MYOD1: variants seen among roughly 807,000 people sequenced by gnomAD.
MYOD1 encodes the protein myoblast determination protein 1.
In MYOD1, 15 loss-of-function variants were observed where a neutral mutation model predicts 14.9. The ratio of observed to expected loss-of-function variants is 1.01; its 90% CI spans 0.67 to 1.55. The LOEUF (loss-of-function observed/expected upper bound fraction) is 1.55. Among genes scored for constraint, MYOD1 ranks in the 40% most tolerant of loss-of-function variants. The pLI is 0.00. For missense variants in MYOD1, 529 were observed against 482.6 expected, an observed-to-expected ratio of 1.10 and a Z score of -0.90; for synonymous variants, 235 against 218.6, an observed-to-expected ratio of 1.07 and a Z score of -0.66.
Position 17,721,007 on chromosome 11 carries a change from C to A in MYOD1, c.709+27C>A. 6.4e-7 allele frequency: 1 copy of A among 1,553,342 alleles called. No individual in the cohort carries two copies. The highest frequency in any genetic ancestry group is 2.0e-5 in the Admixed American group (1 of 50,534). On this transcript the variant is annotated intron_variant, in intron 2 of 2. Transcript: ENST00000250003. The surrounding 1 kb of genome is among the most constrained non-coding windows in gnomAD (Gnocchi z 6.2). ...TGGGTATTCCGGGCCTCTCCCTGCT[C>A]GCTCCTCCTCCTTCATGGAGCTGTC...
At position 17,720,071 on chromosome 11, in the gene MYOD1, G is replaced by A. The variant is rs1425797546; in HGVS notation, c.289G>A (p.Ala97Thr). 2 of 1,571,248 alleles carry A rather than the reference G, an allele frequency of 1.3e-6. No individual in the cohort carries two copies. Among genetic ancestry groups the A allele is most frequent in the African/African-American group, 1.4e-5 (1 of 73,872 alleles). ...CCAGGCGGGCCGCTGCCTACTGTGG[G>A]CCTGCAAGGCGTGCAAGCGCAAGAC... ...HHQAGRCLLW[A>T]CKACKRKTTN... The change falls in exon 1 of 3, where the codon GCC (alanine) becomes ACC (threonine). Residue 97 changes from alanine to threonine, a missense_variant. Ala to Thr is a moderately conservative substitution (Grantham distance 58, BLOSUM62 0). Coordinates refer to ENST00000250003, the MANE Select transcript of MYOD1 (RefSeq NM_002478.5).
Position 17,719,820 on chromosome 11 carries a change from T to A in MYOD1, c.38T>A (p.Leu13Gln). The change falls in exon 1 of 3, where the codon CTG becomes CAG. Residue 13 changes from leucine (L) to glutamine (Q), a missense_variant. Leu to Gln is a moderately radical substitution (Grantham distance 113, BLOSUM62 -2). Transcript: ENST00000250003. ...LLSPPLRDVD[L>Q]TAPDGSLCSF... is the part of the protein sequence containing the mutation. ...TCGCCACCGCTCCGCGACGTAGACC[T>A]GACGGCCCCCGACGGCTCTCTCTGC... 6.2e-7 allele frequency: 1 copy of A among 1,613,534 alleles called. No individual in the cohort carries two copies. The highest frequency in any genetic ancestry group is 8.5e-7 in the Non-Finnish European group (1 of 1,179,978).
Position 17,720,031 on chromosome 11 carries a change from G to A in MYOD1, c.249G>A (p.Ala83=), listed in dbSNP as rs780381232. 9 of 1,582,112 alleles carry A rather than the reference G, an allele frequency of 5.7e-6. No homozygotes were observed. Among genetic ancestry groups the A allele is most frequent in the Middle Eastern group, 1.7e-4 (1 of 6,010 alleles). ...PGAREDEHVR[A]PSGHHQAGRC... is the part of the protein sequence containing the mutation. The stretch of plus-strand genomic sequence containing the variant: ...CACGTGAGGACGAGCATGTGCGCGC[G>A]CCCAGCGGGCACCACCAGGCGGGCC... Residue 83 remains alanine, a synonymous_variant, in exon 1 of 3, where the codon GCG becomes GCA. Transcript: ENST00000250003.
chr11:17,720,473 G>A, intron 1 of MYOD1, 61 bp downstream of exon 1: 3 of 1,473,482 alleles, frequency 2.0e-6, no homozygotes, highest in Non-Finnish European at 2.7e-6. Flanking sequence ...TCAGGGACGC[G>A]TTTCCGAGGG....
In MYOD1 at chr11:17,720,085, C is replaced by T; in HGVS notation, c.303C>T (p.Cys101=). Residue 101 remains cysteine, a synonymous_variant, in exon 1 of 3, where the codon TGC becomes TGT. Coordinates refer to ENST00000250003, the MANE Select transcript of MYOD1 (RefSeq NM_002478.5). ...GCCTACTGTGGGCCTGCAAGGCGTG[C>T]AAGCGCAAGACCACCAACGCCGACC... ...GRCLLWACKA[C]KRKTTNADRR... is the part of the protein sequence containing the mutation. 1.3e-6 allele frequency: 2 copies of T among 1,571,724 alleles called. No homozygotes were observed. The highest frequency in any genetic ancestry group is 1.7e-6 in the Non-Finnish European group (2 of 1,158,402).
At position 17,720,417 on chromosome 11, in the gene MYOD1, G is replaced by C. The variant is rs774941414; in HGVS notation, c.630+5G>C. ...TCCAACTGCTCCGACGGCATGGTAA[G>C]GCCGGGACCCCAGGAAGTGAGGAAG... On this transcript the variant is annotated splice_donor_5th_base_variant and intron_variant, in intron 1 of 2. Coordinates refer to ENST00000250003, the MANE Select transcript of MYOD1 (RefSeq NM_002478.5). 1 of 1,556,386 alleles carries C rather than the reference G, an allele frequency of 6.4e-7. No homozygotes were observed. Among genetic ancestry groups the C allele is most frequent in the South Asian group, 1.2e-5 (1 of 84,490 alleles).
In MYOD1 at chr11:17,720,276, G is replaced by T; in HGVS notation, c.494G>T (p.Arg165Leu). 6.3e-7 allele frequency: 1 copy of T among 1,597,056 alleles called. No homozygotes were observed. Among genetic ancestry groups the T allele is most frequent in the Non-Finnish European group, 8.5e-7 (1 of 1,174,638 alleles). The change falls in exon 1 of 3, where the codon CGC becomes CTC. Residue 165 changes from arginine (R) to leucine (L), a missense_variant. Arg to Leu is a moderately radical substitution (Grantham distance 102, BLOSUM62 -2). Coordinates refer to ENST00000250003, the MANE Select transcript of MYOD1 (RefSeq NM_002478.5). ...ATCGAGGGCCTGCAGGCTCTGCTGC[G>T]CGACCAGGACGCCGCGCCCCCTGGC... ...RYIEGLQALL[R>L]DQDAAPPGAA... is the part of the protein sequence containing the mutation.
chr11:17,720,478 C>T (rs1389086508), intron 1 of MYOD1, 66 bp downstream of exon 1: 4 of 1,468,038 alleles, frequency 2.7e-6, no homozygotes, highest in Non-Finnish European at 3.6e-6. Context: ...GACGCGTTTC[C>T]GAGGGCGGGG....
Position 17,719,827 on chromosome 11 carries a change from C to G in MYOD1, c.45C>G (p.Ala15=). 6.2e-7 allele frequency: 1 copy of G among 1,613,634 alleles called. No homozygotes were observed. The highest frequency in any genetic ancestry group is 8.5e-7 in the Non-Finnish European group (1 of 1,179,982). ...CGCTCCGCGACGTAGACCTGACGGC[C>G]CCCGACGGCTCTCTCTGCTCCTTTG... The part of the protein sequence containing the change: ...SPPLRDVDLT[A]PDGSLCSFAT... Residue 15 remains alanine, a synonymous_variant, in exon 1 of 3, where the codon GCC becomes GCG. Transcript: ENST00000250003.
At chr11:17,720,867 C>T in intron 1 of MYOD1, 35 bp from the exon 2 acceptor site, 2 of 1,597,776 alleles carry the variant, frequency 1.3e-6, no homozygotes, top group Non-Finnish European at 1.7e-6. Flanking sequence ...CGAGCCGTCC[C>T]GCGGGCCTGA....
In MYOD1 at chr11:17,720,406, C is replaced by G. The variant is rs1251028078; in HGVS notation, c.624C>G (p.Asp208Glu). The change falls in exon 1 of 3, where the codon GAC becomes GAG. Residue 208 changes from aspartate (D) to glutamate (E), a missense_variant. Asp to Glu is a conservative substitution (Grantham distance 45). Transcript: ENST00000250003. Reference protein sequence around the residue: ...DASSPRSNCSDGMMDYSGPPS... With the variant: ...DASSPRSNCSEGMMDYSGPPS... ...CCAGCCCGCGCTCCAACTGCTCCGA[C>G]GGCATGGTAAGGCCGGGACCCCAGG... The G allele has an allele frequency of 1.3e-6, 2 of 1,563,156 alleles. No individual in the cohort carries two copies. Among genetic ancestry groups the G allele is most frequent in the Non-Finnish European group, 1.7e-6 (2 of 1,165,922 alleles).
In MYOD1 at chr11:17,721,949, T is replaced by C. The variant is rs757722284; in HGVS notation, c.*441T>C. 10 of 243,540 alleles carry C rather than the reference T, an allele frequency of 4.1e-5. No homozygotes were observed. Among genetic ancestry groups the C allele is most frequent in the Non-Finnish European group, 6.3e-5 (8 of 126,168 alleles). The allele number at this position is 243,540 out of a possible 1,614,324, so 15.1% of individuals were successfully genotyped here. A position where few individuals can be genotyped will look rare whatever the true frequency, so the allele number is the denominator to read the frequency against. ...CCGTTTCCCGGTTCAGGACCACTTT[T>C]TGTAATACTTTTGTAATCTATTCCT... is the stretch of plus-strand genomic sequence containing the variant. On this transcript the variant is annotated 3_prime_UTR_variant, in exon 3 of 3. Coordinates refer to ENST00000250003, the MANE Select transcript of MYOD1 (RefSeq NM_002478.5). The surrounding 1 kb of genome is among the most constrained non-coding windows in gnomAD (Gnocchi z 6.2).
chr11:17,720,892 C>A lies in MYOD1; in HGVS notation c.631-10C>A. On this transcript the variant is annotated splice_polypyrimidine_tract_variant and intron_variant, in intron 1 of 2. Transcript: ENST00000250003. The stretch of plus-strand genomic sequence containing the variant: ...CGCGGGCCTGACTCAGTCGCCCTTG[C>A]TGTTTGCAGATGGACTACAGCGGCC... The A allele has an allele frequency of 6.2e-7, 1 of 1,610,824 alleles. No homozygotes were observed. The highest frequency in any genetic ancestry group is 8.5e-7 in the Non-Finnish European group (1 of 1,179,064).
chr11:17,721,194 C>G lies in MYOD1; in HGVS notation c.710-61C>G. The G allele has an allele frequency of 6.9e-7, 1 of 1,457,846 alleles. No individual in the cohort carries two copies. The highest frequency in any genetic ancestry group is 9.0e-7 in the Non-Finnish European group (1 of 1,105,356). The allele number at this position is 1,457,846 out of a possible 1,614,324, so 90.3% of individuals were successfully genotyped here. A position where few individuals can be genotyped will look rare whatever the true frequency, so the allele number is the denominator to read the frequency against. ...CCAATCTGTCTCAAAGTACTGGGCC[C>G]GGGGGTGGGAGGCTTGTCGCGGCCC... On this transcript the variant is annotated intron_variant, in intron 2 of 2. Transcript: ENST00000250003. This position sits in a 1 kb window ranked among gnomAD's most constrained non-coding sequence, Gnocchi z 6.2.
Position 17,720,993 on chromosome 11 carries a change from G to A in MYOD1, c.709+13G>A. On this transcript the variant is annotated intron_variant, in intron 2 of 2. Coordinates refer to ENST00000250003, the MANE Select transcript of MYOD1 (RefSeq NM_002478.5). Reference sequence around the variant, plus strand: ...GAGGCGCCCAGCGGTGGGTATTCCGGGCCTCTCCCTGCTCGCTCCTCCTCC... The same window carrying A: ...GAGGCGCCCAGCGGTGGGTATTCCGAGCCTCTCCCTGCTCGCTCCTCCTCC... The A allele has an allele frequency of 6.3e-7, 1 of 1,575,542 alleles. No individual in the cohort carries two copies. The highest frequency in any genetic ancestry group is 8.6e-7 in the Non-Finnish European group (1 of 1,161,624).
Position 17,721,167 on chromosome 11 carries a change from T to G in MYOD1, c.710-88T>G. ...CCGGACTCTAACTAAAGTCCTCAGTTTCCAATCTGTCTCAAAGTACTGGGC... is the reference window on the plus strand; with the variant it reads ...CCGGACTCTAACTAAAGTCCTCAGTGTCCAATCTGTCTCAAAGTACTGGGC... On this transcript the variant is annotated intron_variant, in intron 2 of 2. Transcript: ENST00000250003. This position sits in a 1 kb window ranked among gnomAD's most constrained non-coding sequence, Gnocchi z 6.2. 2.8e-6 allele frequency: 4 copies of G among 1,440,860 alleles called. No individual in the cohort carries two copies. Among genetic ancestry groups the G allele is most frequent in the Non-Finnish European group, 3.7e-6 (4 of 1,095,452 alleles). The allele number at this position is 1,440,860 out of a possible 1,614,324, so 89.3% of individuals were successfully genotyped here.
Position 17,721,940 on chromosome 11 carries a change from G to A in MYOD1, c.*432G>A. 1 of 251,482 alleles carries A rather than the reference G, an allele frequency of 4.0e-6. No individual in the cohort carries two copies. The highest frequency in any genetic ancestry group is 7.6e-6 in the Non-Finnish European group (1 of 131,508). 15.6% of individuals were successfully genotyped at this position (251,482 alleles called of 1,614,324 possible). On this transcript the variant is annotated 3_prime_UTR_variant, in exon 3 of 3. Coordinates refer to ENST00000250003, the MANE Select transcript of MYOD1 (RefSeq NM_002478.5). The surrounding 1 kb of genome is among the most constrained non-coding windows in gnomAD (Gnocchi z 6.2). The stretch of plus-strand genomic sequence containing the variant: ...ACCCCCAACCCGTTTCCCGGTTCAG[G>A]ACCACTTTTTGTAATACTTTTGTAA...
intron 1 of MYOD1, among the ~76,000 whole-genome samples, 193 bp from the exon 2 acceptor site, chr11:17,720,709 T>A (rs1848629309): frequency 6.6e-6 from 1 of 152,218 alleles, no homozygotes; most frequent in South Asian, 2.1e-4. Context: ...TTGGTGACTG[T>A]CCGCCCTTGG....
rs1468494185 is a variant in MYOD1, at chr11:17,720,248, T to C, written c.466T>C (p.Tyr156His). Residue 156 changes from tyrosine (Y) to histidine (H), a missense_variant, in exon 1 of 3, where the codon TAT (tyrosine) becomes CAT (histidine). Transcript: ENST00000250003. ...KVEILRNAIR[Y>H]IEGLQALLRD... ...GGAGATCCTGCGCAACGCCATCCGC[T>C]ATATCGAGGGCCTGCAGGCTCTGCT... 1.9e-6 allele frequency: 3 copies of C among 1,606,968 alleles called. No individual in the cohort carries two copies. The South Asian group carries it at 3.3e-5, about 18-fold the overall frequency.
Sources: gnomAD v4.1 joint callset for allele counts (sites outside exome capture counted in the v4.1 genomes callset) on GRCh38, gnomAD v4.1.1 for gene constraint, Gnocchi (gnomAD v3.1) non-coding constraint, MANE v1.5 for transcripts, NCBI Gene and HGNC (gene_info 2026-07-23, HGNC 2026-07-21) for gene names.